The following PRTG variants were observed in gnomAD, a reference collection of about 807,000 sequenced individuals.
PRTG encodes protogenin.
PRTG carries 67 observed loss-of-function variants against 122.5 expected under a neutral mutation model. The ratio of observed to expected loss-of-function variants is 0.55; its 90% CI spans 0.45 to 0.67. The LOEUF (loss-of-function observed/expected upper bound fraction) is 0.67, where lower values mean the gene tolerates loss of function less well. PRTG is among the 30% of genes least tolerant of loss of function. PRTG has a pLI of 0.00. For synonymous variants in PRTG, 554 were observed against 501.1 expected, an observed-to-expected ratio of 1.11 and a Z score of -1.41; for missense variants, 1,435 against 1,415.4, an observed-to-expected ratio of 1.01 and a Z score of -0.22.
chr15:55,661,871 GA>G (rs1367247325), intron 11 of PRTG, among the ~76,000 whole-genome samples: 4 of 137,158 alleles, frequency 2.9e-5, no homozygotes, highest in Admixed American at 7.8e-5. Context: ...ATTCTTGGAA[GA>G]AAAAGAAATC....
At chr15:55,671,871 C>T (rs181527167) in intron 11 of PRTG, among the ~76,000 whole-genome samples, 9 of 152,260 alleles carry the variant, frequency 5.9e-5, no homozygotes, top group Non-Finnish European at 1.3e-4. Context: ...TTTCACTCTA[C>T]AAAGATAGGA....
intron 2 of PRTG, among the ~76,000 whole-genome samples, chr15:55,723,209 T>C (rs917541228): frequency 7.9e-5 from 12 of 152,076 alleles, no homozygotes; most frequent in Non-Finnish European, 1.6e-4. Flanking sequence ...AATAAAAAAT[T>C]ACAAATCACA....
At chr15:55,627,326 GTT>G (rs35771809) in intron 16 of PRTG, among the ~76,000 whole-genome samples, 198 bp from the exon 17 acceptor site, 123 of 131,488 alleles carry the variant, frequency 9.4e-4, no homozygotes, top group Middle Eastern at 4.0e-3. Flanking sequence ...CAATATTAAA[GTT>G]TTTTTTTTTT....
chr15:55,626,775 G>C (rs907301309), intron 17 of PRTG, among the ~76,000 whole-genome samples: 9 of 148,936 alleles, frequency 6.0e-5, no homozygotes, highest in African/African-American at 2.2e-4. Context: ...TAAAAGAAAA[G>C]AAAAAAGAAA....
intron 10 of PRTG, 42 bp from the exon 11 acceptor site, chr15:55,672,675 T>C: frequency 6.8e-7 from 1 of 1,478,424 alleles, no homozygotes; most frequent in Non-Finnish European, 9.3e-7. Context: ...AACAACCCAA[T>C]ATCCACATAA....
intron 2 of PRTG, among the ~76,000 whole-genome samples, chr15:55,730,436 T>C (rs1308036901): frequency 3.9e-5 from 6 of 152,044 alleles, no homozygotes; most frequent in African/African-American, 1.4e-4. Context: ...GATTTGATTA[T>C]ATATATTTGA....
chr15:55,632,619 AC>A (rs1214400630), intron 15 of PRTG, among the ~76,000 whole-genome samples: 2 of 152,014 alleles, frequency 1.3e-5, no homozygotes, highest in Non-Finnish European at 2.9e-5. Flanking sequence ...TGTTCCTCTA[AC>A]ATGCCAATGC....
At chr15:55,635,627 A>G (rs1170637526) in intron 15 of PRTG, among the ~76,000 whole-genome samples, 1 of 152,236 alleles carries the variant, frequency 6.6e-6, no homozygotes, top group Non-Finnish European at 1.5e-5. Flanking sequence ...AAGTCCCTTC[A>G]GTGACCAGGA....
chr15:55,665,247 G>C (rs1054011424), intron 11 of PRTG, among the ~76,000 whole-genome samples: 1 of 151,814 alleles, frequency 6.6e-6, no homozygotes, highest in Non-Finnish European at 1.5e-5. Context: ...GTGACAGAGC[G>C]AGACTCTGTC....
intron 11 of PRTG, among the ~76,000 whole-genome samples, chr15:55,650,693 G>A (rs1337468053): frequency 5.3e-5 from 8 of 152,110 alleles, no homozygotes; most frequent in Non-Finnish European, 1.0e-4. Context: ...GGCTGAGCTT[G>A]GTGGCTCATG....
chr15:55,732,535 C>T (rs2031271021), intron 2 of PRTG, among the ~76,000 whole-genome samples: 1 of 143,668 alleles, frequency 7.0e-6, no homozygotes. Context: ...GCTCTTGCTG[C>T]CCAGGCTGAA....
Position 55,693,060 on chromosome 15 carries a change from G to C in PRTG, c.398-9129C>G, listed in dbSNP as rs1381785359. ...AGACGGGGTTTCACCATGTTGTCCAGGCTGGTCTTGAACTCCTGGCTTCAA... is the reference window on the plus strand; with the variant it reads ...AGACGGGGTTTCACCATGTTGTCCACGCTGGTCTTGAACTCCTGGCTTCAA... On this transcript the variant is annotated intron_variant, in intron 2 of 19. Transcript: ENST00000389286. Among the ~76,000 whole-genome samples, 7 of 151,630 alleles carry C rather than the reference G, an allele frequency of 4.6e-5. No homozygotes were observed. In the South Asian group the frequency reaches 1.3e-3, roughly 27 times the overall value.
At chr15:55,620,917 G>GTTTGTTACATGAGTGGGGTACA (rs2059162779) in intron 18 of PRTG, 150 bp from the exon 19 acceptor site, 1 of 706,084 alleles carries the variant, frequency 1.4e-6, no homozygotes, top group South Asian at 2.1e-5. Context: ...ACATGTGCAT[G>GTTTGTTACATGAGTGGGGTACA]TTTGTTACAT....
intron 2 of PRTG, among the ~76,000 whole-genome samples, chr15:55,732,716 A>G (rs2031278561): frequency 6.6e-6 from 1 of 151,538 alleles, no homozygotes; most frequent in South Asian, 2.1e-4. Context: ...CTGGTCTCGA[A>G]CTCCCAACCT....
intron 16 of PRTG, among the ~76,000 whole-genome samples, chr15:55,627,922 G>A (rs561865168): frequency 1.3e-5 from 2 of 152,250 alleles, no homozygotes; most frequent in Admixed American, 1.3e-4. Context: ...ATGTGATTCT[G>A]CGAGTCTACG....
Position 55,625,748 on chromosome 15 carries a change from C to T in PRTG, c.2928-1241G>A, listed in dbSNP as rs1161238332. Among the ~76,000 whole-genome samples, 6 of 151,916 alleles carry T rather than the reference C, an allele frequency of 3.9e-5. No homozygotes were observed. In the South Asian group the frequency reaches 6.2e-4, roughly 16 times the overall value. ...ATGCCATTCTCCTGCCTCAGCCTCC[C>T]GAGTAGCTGGGATTATAGGCGCCTA... On this transcript the variant is annotated intron_variant, in intron 17 of 19. Transcript: ENST00000389286.
intron 8 of PRTG, among the ~76,000 whole-genome samples, 194 bp from the exon 9 acceptor site, chr15:55,675,877 A>G (rs1485397027): frequency 2.0e-5 from 3 of 152,150 alleles, no homozygotes; most frequent in African/African-American, 7.2e-5. Context: ...TTATTAGAGG[A>G]CATTTTTCCT....
At chr15:55,665,124 G>A (rs961105360) in intron 11 of PRTG, among the ~76,000 whole-genome samples, 2 of 152,132 alleles carry the variant, frequency 1.3e-5, no homozygotes, top group Admixed American at 6.5e-5. Context: ...AGCCTGCGTG[G>A]TGGCCGGTGC....
At chr15:55,726,447 T>C (rs1318441741) in intron 2 of PRTG, among the ~76,000 whole-genome samples, 1 of 152,092 alleles carries the variant, frequency 6.6e-6, no homozygotes, top group African/African-American at 2.4e-5. Flanking sequence ...AAATGGTAAG[T>C]AACCAAGAGA....
Sources: gnomAD v4.1 joint callset for allele counts (sites outside exome capture counted in the v4.1 genomes callset) on GRCh38, gnomAD v4.1.1 for gene constraint, MANE v1.5 for transcripts, NCBI Gene and HGNC (gene_info 2026-07-23, HGNC 2026-07-21) for gene names.